Variants in MYH9 observed in about 807,000 individuals in gnomAD.
MYH9 encodes the protein myosin heavy chain 9.
In MYH9, 29 loss-of-function variants were observed where a neutral mutation model predicts 241.9. The ratio of observed to expected loss-of-function variants is 0.12; its 90% CI spans 0.09 to 0.16. The LOEUF is 0.16. Among genes scored for constraint, MYH9 ranks in the 10% least tolerant of loss-of-function variants. MYH9 has a pLI of 1.00. For missense variants in MYH9, 1,803 were observed against 2,595.5 expected, an observed-to-expected ratio of 0.69 and a Z score of 6.63; for synonymous variants, 1,047 against 1,062.6, an observed-to-expected ratio of 0.99 and a Z score of 0.29.
chr22:36,374,943 C>T (rs1353172275), intron 1 of MYH9, among the ~76,000 whole-genome samples: 53 of 152,196 alleles, frequency 3.5e-4, no homozygotes, highest in Admixed American at 3.5e-3. Flanking sequence ...ACTTTACAAT[C>T]TCGAAGGCTG....
intron 3 of MYH9, among the ~76,000 whole-genome samples, chr22:36,337,838 A>G (rs555668280): frequency 6.6e-5 from 10 of 152,278 alleles, no homozygotes; most frequent in Non-Finnish European, 1.3e-4. Context: ...CCAGGGCAAG[A>G]ACCAAAGGTT....
At chr22:36,359,990 C>A (rs1443461048) in intron 1 of MYH9, among the ~76,000 whole-genome samples, 1 of 151,390 alleles carries the variant, frequency 6.6e-6, no homozygotes, top group African/African-American at 2.4e-5. Context: ...GACCTTGAAG[C>A]TGTTAGCACC....
In MYH9 at chr22:36,320,222, A is replaced by G. The variant is rs1416099595; in HGVS notation, c.1010T>C (p.Met337Thr). The change falls in exon 9 of 41, where the codon ATG (methionine) becomes ACG (threonine). Residue 337 changes from methionine to threonine, a missense_variant and splice_region_variant. Physicochemically the swap from Met to Thr is moderately conservative, Grantham distance 81. This residue lies in a region of MYH9 where 222 missense variants were observed against 359.9 expected (regional missense o/e 0.62). Coordinates refer to ENST00000216181, the MANE Select transcript of MYH9 (RefSeq NM_002473.6). This position sits in a 1 kb window ranked among gnomAD's most constrained non-coding sequence, Gnocchi z 4.8. ...RIMGIPEEEQMGLLRVISGVL... is the reference protein window; with the variant it reads ...RIMGIPEEEQTGLLRVISGVL... Reference sequence around the variant, plus strand: ...CCATAGGAGGGCCAGCCCTGTACCCATTTGCTCCTCTTCTGGGATGCCCAT... The same window carrying G: ...CCATAGGAGGGCCAGCCCTGTACCCGTTTGCTCCTCTTCTGGGATGCCCAT... The G allele has an allele frequency of 1.9e-6, 3 of 1,614,008 alleles. No individual in the cohort carries two copies. Among genetic ancestry groups the G allele is most frequent in the South Asian group, 2.2e-5 (2 of 91,078 alleles).
intron 1 of MYH9, among the ~76,000 whole-genome samples, chr22:36,378,367 A>T (rs1422612773): frequency 6.6e-6 from 1 of 152,232 alleles, no homozygotes; most frequent in Non-Finnish European, 1.5e-5. Flanking sequence ...TCCACGGTGC[A>T]GATGGGAAAA....
chr22:36,327,834 G>A (rs1410830943), intron 3 of MYH9, among the ~76,000 whole-genome samples: 3 of 152,216 alleles, frequency 2.0e-5, no homozygotes, highest in Admixed American at 6.5e-5. Context: ...CCTGCCCTGT[G>A]TGTTTATAAC....
At chr22:36,301,900 G>A (rs150034045) in intron 20 of MYH9, among the ~76,000 whole-genome samples, 13 of 152,192 alleles carry the variant, frequency 8.5e-5, no homozygotes, top group Admixed American at 7.2e-4. Flanking sequence ...TGTTCACCTC[G>A]GCATTGTTTA....
chr22:36,374,979 T>C (rs752674858), intron 1 of MYH9, among the ~76,000 whole-genome samples: 2 of 151,868 alleles, frequency 1.3e-5, no homozygotes, highest in South Asian at 4.2e-4. Context: ...CTTCTCAGAC[T>C]CCCCCCTGCC....
intron 2 of MYH9, 148 bp downstream of exon 2, chr22:36,348,756 C>T: frequency 1.3e-6 from 1 of 771,344 alleles, no homozygotes; most frequent in Non-Finnish European, 2.2e-6. Flanking sequence ...TGTCAAAGTT[C>T]AAGGATGTCA....
chr22:36,356,580 CAAAAAAAAAAA>C (rs34880972), intron 1 of MYH9, among the ~76,000 whole-genome samples: 6 of 24,648 alleles, frequency 2.4e-4, no homozygotes, highest in African/African-American at 5.1e-4. Context: ...GACTCCATCT[CAAAAAAAAAAA>C]AAAAAAAAAA....
chr22:36,319,933 C>T (rs1032774049), intron 9 of MYH9: 9 of 605,230 alleles, frequency 1.5e-5, no homozygotes, highest in South Asian at 3.9e-5. Flanking sequence ...CGAGACAGGA[C>T]GTGAATATTC....
At chr22:36,315,755 A>T (rs2017139406) in intron 12 of MYH9, among the ~76,000 whole-genome samples, 1 of 149,882 alleles carries the variant, frequency 6.7e-6, no homozygotes, top group Non-Finnish European at 1.5e-5. Context: ...CTCAAAAAAA[A>T]AATAACAAAC....
intron 23 of MYH9, among the ~76,000 whole-genome samples, chr22:36,299,350 CCTT>C (rs1446694115): frequency 6.6e-6 from 1 of 152,232 alleles, no homozygotes; most frequent in Non-Finnish European, 1.5e-5. Flanking sequence ...TGGCTCCACT[CCTT>C]CAAGAGGCTG....
chr22:36,286,983 A>G (rs998301520), intron 34 of MYH9, 137 bp from the exon 35 acceptor site: 9 of 1,249,198 alleles, frequency 7.2e-6, no homozygotes, highest in Admixed American at 1.9e-5. Context: ...CCGTGGTGAC[A>G]GGGCAAAAAG....
rs944450751 is a variant in MYH9, at chr22:36,329,115, C to A, written c.491-1627G>T. 1.3e-5 allele frequency among the ~76,000 whole-genome samples: 2 copies of A among 152,228 alleles called. No homozygotes were observed. The highest frequency in any genetic ancestry group is 2.9e-5 in the Non-Finnish European group (2 of 68,042). ...TGGCAGCTGCCCCTGCCCTGGGCCG[C>A]AGCTTCCTCCCAGCCCCCTAAGCAT... On this transcript the variant is annotated intron_variant, in intron 3 of 40. Transcript: ENST00000216181. The surrounding 1 kb of genome is among the most constrained non-coding windows in gnomAD (Gnocchi z 4.1).
At chr22:36,346,261 T>C (rs1000201714) in intron 2 of MYH9, among the ~76,000 whole-genome samples, 4 of 152,136 alleles carry the variant, frequency 2.6e-5, no homozygotes, top group Non-Finnish European at 5.9e-5. Flanking sequence ...TGGGCATCGA[T>C]GGCAGAAAAC....
chr22:36,340,241 C>T (rs2017563558), intron 3 of MYH9, among the ~76,000 whole-genome samples: 1 of 151,322 alleles, frequency 6.6e-6, no homozygotes, highest in African/African-American at 2.4e-5. Context: ...TTGCAGCAAC[C>T]TAATAGCTCT....
At position 36,305,827 on chromosome 22, in the gene MYH9, G is replaced by T; in HGVS notation, c.2159+103C>A. 6.6e-7 allele frequency: 1 copy of T among 1,522,548 alleles called. No homozygotes were observed. The highest frequency in any genetic ancestry group is 1.4e-5 in the African/African-American group (1 of 73,230). 94.3% of individuals were successfully genotyped at this position (1,522,548 alleles called of 1,614,324 possible). On this transcript the variant is annotated intron_variant, in intron 17 of 40. Transcript: ENST00000216181. The surrounding 1 kb of genome is among the most constrained non-coding windows in gnomAD (Gnocchi z 4.7). ...CAGTTCTACATGGATGGAGGACGTC[G>T]CTCCCTCACGACAGGATCCTGCCAG... is the stretch of plus-strand genomic sequence containing the variant.
At position 36,285,867 on chromosome 22, in the gene MYH9, T is replaced by C; in HGVS notation, c.5148A>G (p.Lys1716=). 1 of 1,613,332 alleles carries C rather than the reference T, an allele frequency of 6.2e-7. No individual in the cohort carries two copies. The highest frequency in any genetic ancestry group is 8.5e-7 in the Non-Finnish European group (1 of 1,179,836). ...LADEIANSSG[K]GALALEEKRR... ...CTCTGCCCCCTCACTCAGCTCACCC[T>C]TTGCCGCTGCTGTTGGCGATCTCGT... The change falls in exon 36 of 41, where the codon AAA becomes AAG. Residue 1716 remains lysine, a splice_region_variant and synonymous_variant. Coordinates refer to ENST00000216181, the MANE Select transcript of MYH9 (RefSeq NM_002473.6). The surrounding 1 kb of genome is among the most constrained non-coding windows in gnomAD (Gnocchi z 7.0).
rs540474982 is a variant in MYH9, at chr22:36,357,972, C to T, written c.-19-8717G>A. ...ACCTCCAACACGGCAGCTCAGCCTGCGACTCATAAGCAAAGTCACCAGCAT... is the reference window on the plus strand; with the variant it reads ...ACCTCCAACACGGCAGCTCAGCCTGTGACTCATAAGCAAAGTCACCAGCAT... On this transcript the variant is annotated intron_variant, in intron 1 of 40. Transcript: ENST00000216181. 1.1e-4 allele frequency among the ~76,000 whole-genome samples: 16 copies of T among 152,288 alleles called. No individual in the cohort carries two copies. The South Asian group carries it at 2.7e-3, about 26-fold the overall frequency.
Sources: allele counts gnomAD v4.1 joint callset (sites outside exome capture counted in the v4.1 genomes callset), GRCh38; gene constraint gnomAD v4.1.1; regional missense constraint gnomAD v4.1.1; non-coding constraint Gnocchi (gnomAD v3.1); transcripts MANE v1.5; gene names NCBI Gene and HGNC (gene_info 2026-07-23, HGNC 2026-07-21).